TADA3: variants seen among roughly 807,000 people sequenced by gnomAD.
TADA3 encodes the protein transcriptional adapter 3.
In TADA3, 25 loss-of-function variants were observed where a neutral mutation model predicts 43.2. The observed-to-expected ratio is 0.58, with a 90% CI of 0.42 to 0.81. TADA3 has a LOEUF of 0.81. TADA3 is among the 30% of genes least tolerant of loss of function. The pLI, the probability that TADA3 is intolerant of heterozygous loss-of-function variation, is 0.00. For synonymous variants in TADA3, 235 were observed against 225.5 expected, an observed-to-expected ratio of 1.04 and a Z score of -0.38; for missense variants, 441 against 567.8, an observed-to-expected ratio of 0.78 and a Z score of 2.27.
At chr3:9,787,513 T>C in intron 4 of TADA3, 173 bp from the exon 5 acceptor site, 2 of 1,044,364 alleles carry the variant, frequency 1.9e-6, no homozygotes, top group East Asian at 5.2e-5. Context: ...CTTCACACTC[T>C]AGTAAGGGAG....
At position 9,787,798 on chromosome 3, in the gene TADA3, AGACT is replaced by A. The variant is rs1329456816; in HGVS notation, c.565-462_565-459del. 6.0e-5 allele frequency: 61 copies of A among 1,015,006 alleles called. No homozygotes were observed. In the East Asian group the frequency reaches 7.7e-4, roughly 13 times the overall value. 62.9% of individuals were successfully genotyped at this position (1,015,006 alleles called of 1,614,324 possible). On this transcript the variant is annotated intron_variant, in intron 4 of 8. Transcript: ENST00000301964. Reference sequence around the variant, plus strand: ...AAAGTGTTGTGGCAGCACAAAGGAGAGACTGACTAACTTTCTGCTGGGGAATCTG... The same window carrying A: ...AAAGTGTTGTGGCAGCACAAAGGAGAGACTAACTTTCTGCTGGGGAATCTG...
At chr3:9,792,141 G>C (rs750631349) in intron 1 of TADA3, 75 bp downstream of exon 1, 6 of 152,352 alleles carry the variant, frequency 3.9e-5, no homozygotes, top group Non-Finnish European at 7.3e-5. Context: ...CTGTAAAATG[G>C]GGACAAAAGA....
At position 9,792,472 on chromosome 3, in the gene TADA3, C is replaced by T; in HGVS notation, c.-284G>A. ...GTCGATGTGAGCAACCGCCCCGGAA[C>T]TGGCTATGGGCGGGCCCCTTGCAGT... On this transcript the variant is annotated 5_prime_UTR_variant, in exon 1 of 9. Transcript: ENST00000301964. 1.7e-6 allele frequency: 2 copies of T among 1,192,256 alleles called. No individual in the cohort carries two copies. Among genetic ancestry groups the T allele is most frequent in the Non-Finnish European group, 2.1e-6 (2 of 962,946 alleles). The allele number at this position is 1,192,256 out of a possible 1,614,324, so 73.9% of individuals were successfully genotyped here.
chr3:9,785,107 T>C (rs1411365371), intron 7 of TADA3, among the ~76,000 whole-genome samples: 1 of 152,190 alleles, frequency 6.6e-6, no homozygotes, highest in Admixed American at 6.5e-5. Flanking sequence ...ATTTGGGTTA[T>C]TTATGGTATG....
upstream of TADA3, chr3:9,792,860 G>A: frequency 7.3e-7 from 1 of 1,369,612 alleles, no homozygotes; most frequent in Non-Finnish European, 9.4e-7. Flanking sequence ...GAAGGCCGAA[G>A]GCACAAAGGG....
Position 9,789,533 on chromosome 3 carries a change from T to C in TADA3, c.540A>G (p.Pro180=). Residue 180 remains proline, a synonymous_variant, in exon 4 of 9, where the codon CCA becomes CCG. Transcript: ENST00000301964. ...VRTLEELLKP[P]EDEAEHYKIP... is the part of the protein sequence containing the mutation. ...CCTTGTAATGCTCAGCCTCATCTTC[T>C]GGGGGCTTCAGTAACTCCTCAAGTG... 1 of 1,614,170 alleles carries C rather than the reference T, an allele frequency of 6.2e-7. No homozygotes were observed. The highest frequency in any genetic ancestry group is 8.5e-7 in the Non-Finnish European group (1 of 1,180,020).
intron 4 of TADA3, 53 bp from the exon 5 acceptor site, chr3:9,787,393 C>CTCCA (rs1553708763): frequency 2.6e-6 from 4 of 1,547,102 alleles, no homozygotes; most frequent in African/African-American, 1.4e-5. Context: ...GCCAGCCATG[C>CTCCA]TTCATTCATT....
chr3:9,786,279 CCA>C (rs1317880932), intron 6 of TADA3, among the ~76,000 whole-genome samples: 1 of 152,152 alleles, frequency 6.6e-6, no homozygotes. Context: ...ACAATTACGC[CCA>C]GAGTGACCTT....
At chr3:9,789,316 C>G (rs909684061) in intron 4 of TADA3, among the ~76,000 whole-genome samples, 193 bp downstream of exon 4, 1 of 152,058 alleles carries the variant, frequency 6.6e-6, no homozygotes, top group Non-Finnish European at 1.5e-5. Flanking sequence ...TGACATTTGG[C>G]TGGGGTAGAG....
chr3:9,782,537 A>G (rs529027682), intron 8 of TADA3, among the ~76,000 whole-genome samples: 2 of 152,282 alleles, frequency 1.3e-5, no homozygotes, highest in South Asian at 4.1e-4. Flanking sequence ...TTTTAATGGC[A>G]CTTATCTTTA....
chr3:9,788,665 G>A (rs748003876), intron 4 of TADA3, among the ~76,000 whole-genome samples: 16 of 151,636 alleles, frequency 1.1e-4, no homozygotes, highest in Non-Finnish European at 1.5e-4. Flanking sequence ...TCAGCCTCCC[G>A]AGTAGCCAGG....
chr3:9,782,362 TA>T (rs1190095456), intron 8 of TADA3, among the ~76,000 whole-genome samples: 3 of 152,256 alleles, frequency 2.0e-5, no homozygotes, highest in Non-Finnish European at 4.4e-5. Context: ...ACTGGGCCTT[TA>T]TTTCCTCATC....
chr3:9,783,729 G>A (rs933276195), intron 8 of TADA3: 13 of 265,628 alleles, frequency 4.9e-5, no homozygotes, highest in Non-Finnish European at 9.1e-5. Context: ...AGTGAGCCGA[G>A]ATCATGCCAC....
At chr3:9,787,459 G>A in intron 4 of TADA3, 119 bp from the exon 5 acceptor site, 1 of 1,382,568 alleles carries the variant, frequency 7.2e-7, no homozygotes, top group Non-Finnish European at 9.7e-7. Context: ...GCCAAGCCCA[G>A]TGTCAGGTGT....
At chr3:9,789,134 C>T (rs2078682409) in intron 4 of TADA3, among the ~76,000 whole-genome samples, 1 of 152,164 alleles carries the variant, frequency 6.6e-6, no homozygotes, top group Admixed American at 6.5e-5. Flanking sequence ...CTGCTCCCAG[C>T]CCAAGTTTTA....
In TADA3 at chr3:9,788,184, A is replaced by G. The variant is rs143774267; in HGVS notation, c.565-844T>C. ...GGATTCTCCCTCAACATTTTTCTGTATTTTCTAAATTTTCTTTAATGGAGC... is the reference window on the plus strand; with the variant it reads ...GGATTCTCCCTCAACATTTTTCTGTGTTTTCTAAATTTTCTTTAATGGAGC... On this transcript the variant is annotated intron_variant, in intron 4 of 8. Coordinates refer to ENST00000301964, the MANE Select transcript of TADA3 (RefSeq NM_006354.5). 248 of 154,926 alleles carry G rather than the reference A, an allele frequency of 1.6e-3. 3 individuals carry two copies. Among genetic ancestry groups the G allele is most frequent in the Admixed American group, 0.01 (166 of 15,916 alleles). The allele number at this position is 154,926 out of a possible 1,614,324, so 9.6% of individuals were successfully genotyped here. A position where few individuals can be genotyped will look rare whatever the true frequency, so the allele number is the denominator to read the frequency against.
rs575927762 is a variant in TADA3 at position 9,788,467 on chromosome 3, A to G, written c.564+1042T>C. On this transcript the variant is annotated intron_variant, in intron 4 of 8. Coordinates refer to ENST00000301964, the MANE Select transcript of TADA3 (RefSeq NM_006354.5). ...TCACCGTGTTAGCCAGGATGGTCTC[A>G]ATCTCCTGACCTTGTGATCTGCCCG... Among the ~76,000 whole-genome samples, 16 of 150,652 alleles carry G rather than the reference A, an allele frequency of 1.1e-4. No homozygotes were observed. The East Asian group carries it at 2.6e-3, about 24-fold the overall frequency.
intron 7 of TADA3, 26 bp downstream of exon 7, chr3:9,785,290 T>G (rs1300088333): frequency 1.3e-6 from 2 of 1,569,174 alleles, no homozygotes; most frequent in Non-Finnish European, 1.8e-6. Context: ...GGCCAGACTG[T>G]GGGTTGTGGA....
At position 9,791,355 on chromosome 3, in the gene TADA3, T is replaced by C. The variant is rs2078728194; in HGVS notation, c.112A>G (p.Ile38Val). ...AGGGTGTCCAGCTCCTCGATGCCGA[T>C]GCCATCATCCTCAGAGCGTGCCAGC... ...AVLARSEDDG[I>V]GIEELDTLQL... The change falls in exon 2 of 9, where the codon ATC (isoleucine) becomes GTC (valine). Residue 38 changes from isoleucine to valine, a missense_variant. Transcript: ENST00000301964. The C allele has an allele frequency of 5.0e-6, 8 of 1,614,134 alleles. No homozygotes were observed. The highest frequency in any genetic ancestry group is 2.2e-5 in the East Asian group (1 of 44,902).
Sources: gnomAD v4.1 joint callset for allele counts (sites outside exome capture counted in the v4.1 genomes callset) on GRCh38, gnomAD v4.1.1 for gene constraint, MANE v1.5 for transcripts, NCBI Gene and HGNC (gene_info 2026-07-23, HGNC 2026-07-21) for gene names.